DNAH7: variants seen among roughly 807,000 people sequenced by gnomAD.
DNAH7 encodes the protein axonemal beta dynein heavy chain 7.
In DNAH7, 397 loss-of-function variants were observed where a neutral mutation model predicts 444.6. The observed-to-expected ratio is 0.89, with a 90% CI of 0.82 to 0.97. The LOEUF (loss-of-function observed/expected upper bound fraction) is 0.97. Ranked by LOEUF, DNAH7 falls within the 50% of genes least tolerant of loss-of-function variation. The pLI is 0.00. For synonymous variants in DNAH7, 1,636 were observed against 1,624.4 expected (o/e 1.01, Z -0.17); for missense variants, 4,902 against 4,800.8 (o/e 1.02, Z -0.62).
At chr2:195,767,840 G>A (rs1694657442) in intron 61 of DNAH7, among the ~76,000 whole-genome samples, 1 of 151,720 alleles carries the variant, frequency 6.6e-6, no homozygotes, top group Non-Finnish European at 1.5e-5. Flanking sequence ...GATAAAGAAA[G>A]GCTAAGAAAC....
At chr2:195,963,557 G>A (rs1407025799) in intron 17 of DNAH7, among the ~76,000 whole-genome samples, 2 of 152,136 alleles carry the variant, frequency 1.3e-5, no homozygotes, top group Non-Finnish European at 2.9e-5. Context: ...CCCATGCTCT[G>A]GGTTGTCTCT....
intron 24 of DNAH7, among the ~76,000 whole-genome samples, chr2:195,917,431 A>G (rs341931): frequency 0.3 from 45,919 of 152,050 alleles, 9,908 homozygotes; most frequent in African/African-American, 0.61. Flanking sequence ...CCACCCTAAG[A>G]AAAGAATCAC....
chr2:195,849,244 T>G (rs1185118344), intron 46 of DNAH7, among the ~76,000 whole-genome samples: 1 of 152,234 alleles, frequency 6.6e-6, no homozygotes, highest in Non-Finnish European at 1.5e-5. Context: ...TTTCTCTGGG[T>G]ACTTCCTTAC....
chr2:196,034,976 T>C (rs1340278217), intron 5 of DNAH7, among the ~76,000 whole-genome samples: 3 of 151,102 alleles, frequency 2.0e-5, no homozygotes, highest in Non-Finnish European at 3.0e-5. Flanking sequence ...AGGTCAGGAG[T>C]TTTGAGACCA....
chr2:195,738,274 T>C (rs1692773576), intron 64 of DNAH7, 147 bp from the exon 65 acceptor site: 2 of 664,718 alleles, frequency 3.0e-6, no homozygotes, highest in Non-Finnish European at 5.1e-6. Context: ...GTTGTTGTGA[T>C]TGCTCAAAAC....
Position 195,911,344 on chromosome 2 carries a change from G to A in DNAH7, c.3936-1149C>T, listed in dbSNP as rs1473753754. Among the ~76,000 whole-genome samples the A allele has an allele frequency of 2.0e-5, 3 of 152,126 alleles. No individual in the cohort carries two copies. In the East Asian group the frequency reaches 5.8e-4, roughly 29 times the overall value. ...AAAAACTCAGTGAACAAGTTAAATA[G>A]CAGAATAAACATAAGGAAACAGAAA... is the stretch of plus-strand genomic sequence containing the variant. On this transcript the variant is annotated intron_variant, in intron 24 of 64. Coordinates refer to ENST00000312428, the MANE Select transcript of DNAH7 (RefSeq NM_018897.3).
At chr2:195,781,476 G>A (rs114978608) in intron 58 of DNAH7, among the ~76,000 whole-genome samples, 94 of 152,240 alleles carry the variant, frequency 6.2e-4, no homozygotes, top group African/African-American at 2.2e-3. Flanking sequence ...CCAGGGGTGG[G>A]TGGGTTGGTG....
intron 24 of DNAH7, among the ~76,000 whole-genome samples, chr2:195,917,278 G>A (rs1031177138): frequency 1.2e-4 from 18 of 152,022 alleles, no homozygotes; most frequent in African/African-American, 2.2e-4. Context: ...GTCAAATGGC[G>A]GAGTTTGACA....
intron 15 of DNAH7, among the ~76,000 whole-genome samples, chr2:195,980,815 TAA>T (rs59787108): frequency 1.0e-4 from 15 of 144,004 alleles, no homozygotes; most frequent in African/African-American, 2.2e-4. Flanking sequence ...TGCTTCATGA[TAA>T]AAAAAAAAAC....
chr2:195,973,764 G>A (rs1056754852), intron 15 of DNAH7, among the ~76,000 whole-genome samples: 2 of 152,078 alleles, frequency 1.3e-5, no homozygotes, highest in African/African-American at 2.4e-5. Flanking sequence ...CAGCCACCGC[G>A]GCTGACCCTT....
chr2:195,854,751 A>C (rs2125051021), intron 45 of DNAH7, among the ~76,000 whole-genome samples: 1 of 152,292 alleles, frequency 6.6e-6, no homozygotes, highest in Admixed American at 6.5e-5. Flanking sequence ...TATTACCATA[A>C]TTTTCTAATA....
At chr2:195,934,447 G>T in intron 21 of DNAH7, 144 bp downstream of exon 21, 1 of 872,622 alleles carries the variant, frequency 1.1e-6, no homozygotes, top group Non-Finnish European at 1.8e-6. Flanking sequence ...ACATCTCTTT[G>T]CCTTCAAGTT....
At chr2:196,029,437 C>T (rs1361576471) in intron 5 of DNAH7, among the ~76,000 whole-genome samples, 4 of 151,950 alleles carry the variant, frequency 2.6e-5, no homozygotes, top group Non-Finnish European at 4.4e-5. Context: ...AGAAGTTCTT[C>T]CAGTCAGAGT....
chr2:195,985,893 A>G (rs1368821506), intron 14 of DNAH7, among the ~76,000 whole-genome samples: 3 of 152,194 alleles, frequency 2.0e-5, no homozygotes. Flanking sequence ...TCTTTCACAC[A>G]GTACCTTCAT....
chr2:195,926,627 GCTAAA>G (rs1252917274), intron 21 of DNAH7, 61 bp from the exon 22 acceptor site: 12 of 1,438,818 alleles, frequency 8.3e-6, no homozygotes, highest in East Asian at 2.5e-5. Context: ...ACAATTGAGA[GCTAAA>G]CTAAACTAGA....
chr2:195,761,288 C>G (rs114190715), intron 61 of DNAH7, among the ~76,000 whole-genome samples: 1 of 151,724 alleles, frequency 6.6e-6, no homozygotes, highest in East Asian at 1.9e-4. Flanking sequence ...TGAAAATACA[C>G]AGTAAGATGA....
intron 46 of DNAH7, among the ~76,000 whole-genome samples, chr2:195,850,750 G>C (rs887962956): frequency 1.3e-5 from 2 of 152,138 alleles, no homozygotes; most frequent in African/African-American, 4.8e-5. Flanking sequence ...GCAGACTGTG[G>C]GATGAAGATT....
chr2:195,873,674 T>A lies in DNAH7; in HGVS notation c.6307A>T (p.Thr2103Ser), dbSNP rs1441763034. 23 of 1,530,622 alleles carry A rather than the reference T, an allele frequency of 1.5e-5. No homozygotes were observed. Among genetic ancestry groups the A allele is most frequent in the Non-Finnish European group, 1.9e-5 (22 of 1,147,300 alleles). The allele number at this position is 1,530,622 out of a possible 1,614,324, so 94.8% of individuals were successfully genotyped here. The change falls in exon 39 of 65, where the codon ACT (threonine) becomes TCT (serine). Residue 2103 changes from threonine (T) to serine (S), a missense_variant. Physicochemically the swap from Thr to Ser is moderately conservative, Grantham distance 58 (BLOSUM62 1). Transcript: ENST00000312428. Reference protein sequence around the residue: ...GPPGGGRNPVTPRYMRHFNII... With the variant: ...GPPGGGRNPVSPRYMRHFNII... The stretch of plus-strand genomic sequence containing the variant: ...TTGAAATGTCGCATGTATCGAGGAG[T>A]TACTGGATTTCGACCACCACCTAAA...
chr2:195,761,672 G>C (rs1190471850), intron 61 of DNAH7, among the ~76,000 whole-genome samples: 1 of 151,054 alleles, frequency 6.6e-6, no homozygotes, highest in Non-Finnish European at 1.5e-5. Context: ...ATGAGAAAGT[G>C]GCATGGCATA....
Sources: gnomAD v4.1 joint callset for allele counts (sites outside exome capture counted in the v4.1 genomes callset) on GRCh38, gnomAD v4.1.1 for gene constraint, MANE v1.5 for transcripts, NCBI Gene and HGNC (gene_info 2026-07-23, HGNC 2026-07-21) for gene names.